ADAM22: variants seen among roughly 807,000 people sequenced by gnomAD.
ADAM22 encodes the protein disintegrin and metalloproteinase domain-containing protein 22.
ADAM22 carries 65 observed loss-of-function variants against 144.6 expected under a neutral mutation model. That is an observed-to-expected ratio of 0.45 (90% CI 0.37 to 0.55). ADAM22 has a LOEUF of 0.55. Ranked by LOEUF, ADAM22 falls within the 20% of genes least tolerant of loss-of-function variation. The probability of loss-of-function intolerance (pLI) is 0.00; values close to 1 mark genes in which losing one functional copy is unlikely to be tolerated. For synonymous variants in ADAM22, 391 were observed against 412.6 expected, an observed-to-expected ratio of 0.95 and a Z score of 0.63; for missense variants, 974 against 1,184.9, an observed-to-expected ratio of 0.82 and a Z score of 2.61.
intron 7 of ADAM22, 111 bp from the exon 8 acceptor site, chr7:88,125,478 C>A: frequency 1.5e-6 from 1 of 650,070 alleles, no homozygotes; most frequent in East Asian, 3.1e-5. Flanking sequence ...TCGTTAAGTG[C>A]AACATTATGT....
intron 4 of ADAM22, among the ~76,000 whole-genome samples, chr7:88,099,042 T>G (rs1186763402): frequency 1.3e-5 from 2 of 152,042 alleles, no homozygotes; most frequent in East Asian, 3.9e-4. Flanking sequence ...TATATGAGAG[T>G]TAAGTTACCT....
intron 4 of ADAM22, among the ~76,000 whole-genome samples, chr7:88,078,136 A>G (rs928057043): frequency 2.0e-5 from 3 of 152,126 alleles, no homozygotes; most frequent in Non-Finnish European, 2.9e-5. Context: ...ACAGCTGGGT[A>G]CTCCTCTGAG....
intron 1 of ADAM22, 62 bp from the exon 2 acceptor site, chr7:87,934,964 G>A: frequency 6.2e-7 from 1 of 1,606,440 alleles, no homozygotes; most frequent in Non-Finnish European, 8.5e-7. Context: ...GAGGAGTGAG[G>A]GTCAGGGTCA....
chr7:87,953,438 G>C (rs1439876663), intron 2 of ADAM22, among the ~76,000 whole-genome samples: 1 of 152,168 alleles, frequency 6.6e-6, no homozygotes, highest in African/African-American at 2.4e-5. Context: ...CAGTTTCCAT[G>C]TAGTTGAGCG....
intron 2 of ADAM22, among the ~76,000 whole-genome samples, chr7:87,943,870 G>C (rs553227313): frequency 6.6e-6 from 1 of 152,084 alleles, no homozygotes; most frequent in Non-Finnish European, 1.5e-5. Context: ...ATTTAATTTT[G>C]TACTAGGGGA....
Position 88,153,302 on chromosome 7 carries a change from A to G in ADAM22, c.1763A>G (p.Asp588Gly). ...TEKGNCGKDK[D>G]TWIQCNKRDV... The stretch of plus-strand genomic sequence containing the variant: ...AAGGGTAACTGTGGGAAAGACAAAG[A>G]CACATGGATACAGTGCAACAAACGG... Residue 588 changes from aspartate (D) to glycine (G), a missense_variant, in exon 21 of 32, where the codon GAC (aspartate) becomes GGC (glycine). Asp to Gly is a moderately conservative substitution (Grantham distance 94, BLOSUM62 -1). Transcript: ENST00000413139. 1 of 1,613,374 alleles carries G rather than the reference A, an allele frequency of 6.2e-7. No homozygotes were observed. The highest frequency in any genetic ancestry group is 1.3e-5 in the African/African-American group (1 of 75,030).
intron 3 of ADAM22, among the ~76,000 whole-genome samples, chr7:88,019,719 G>A (rs1797313045): frequency 1.3e-5 from 2 of 151,258 alleles, no homozygotes; most frequent in South Asian, 4.2e-4. Context: ...GGGTTGTGGT[G>A]CGCACCTGTA....
chr7:87,974,975 G>C (rs1490380621), intron 2 of ADAM22, among the ~76,000 whole-genome samples: 1 of 152,112 alleles, frequency 6.6e-6, no homozygotes, highest in Non-Finnish European at 1.5e-5. Context: ...CATGTAATTA[G>C]ATTGAGCCCA....
chr7:88,001,123 G>A (rs1257687479), intron 3 of ADAM22, among the ~76,000 whole-genome samples: 1 of 152,188 alleles, frequency 6.6e-6, no homozygotes, highest in Admixed American at 6.5e-5. Flanking sequence ...AAAAGGTATA[G>A]AAACACATGC....
intron 7 of ADAM22, among the ~76,000 whole-genome samples, chr7:88,123,501 A>G (rs2129494173): frequency 6.6e-6 from 1 of 152,206 alleles, no homozygotes; most frequent in Admixed American, 6.5e-5. Flanking sequence ...TTATTGGCAT[A>G]AAGCTCTTCA....
At chr7:88,155,229 TA>T (rs112499423) in intron 21 of ADAM22, among the ~76,000 whole-genome samples, 50 of 149,888 alleles carry the variant, frequency 3.3e-4, no homozygotes, top group South Asian at 1.3e-3. Context: ...AATTACCAAT[TA>T]AAAAAAAAAT....
intron 3 of ADAM22, among the ~76,000 whole-genome samples, chr7:88,009,761 C>CT (rs2129459317): frequency 6.6e-6 from 1 of 152,254 alleles, no homozygotes; most frequent in Admixed American, 6.5e-5. Flanking sequence ...TTTATCCCTA[C>CT]TACCCTATCC....
chr7:87,994,477 T>G (rs779512052), intron 3 of ADAM22, among the ~76,000 whole-genome samples: 3 of 152,160 alleles, frequency 2.0e-5, no homozygotes, highest in Non-Finnish European at 2.9e-5. Context: ...CTGTCATTCT[T>G]TAGCCAAACT....
At chr7:88,170,997 T>A (rs1226864175) in intron 25 of ADAM22, among the ~76,000 whole-genome samples, 19 of 151,898 alleles carry the variant, frequency 1.3e-4, no homozygotes, top group Admixed American at 1.2e-3. Flanking sequence ...TAGTAATCAC[T>A]TAGGAGATCC....
In ADAM22 at chr7:88,108,242, A is replaced by C. The variant is rs1166835407; in HGVS notation, c.457A>C (p.Thr153Pro). 2.5e-6 allele frequency: 4 copies of C among 1,613,790 alleles called. No homozygotes were observed. Among genetic ancestry groups the C allele is most frequent in the Non-Finnish European group, 3.4e-6 (4 of 1,179,876 alleles). The stretch of plus-strand genomic sequence containing the variant: ...CCCTGACTCATTTGTTGCATTGTCA[A>C]CATGCCACGGACTTCAGTAAGTGTT... ...GNPDSFVALS[T>P]CHGLHGMFYD... The change falls in exon 5 of 32, where the codon ACA (threonine) becomes CCA (proline). Residue 153 changes from threonine (T) to proline (P), a missense_variant. Transcript: ENST00000413139.
At chr7:88,044,027 A>C (rs1010948379) in intron 3 of ADAM22, among the ~76,000 whole-genome samples, 7 of 152,250 alleles carry the variant, frequency 4.6e-5, no homozygotes, top group Admixed American at 1.3e-4. Context: ...ACAGTATGGC[A>C]TACATTAAAT....
intron 3 of ADAM22, among the ~76,000 whole-genome samples, chr7:88,026,181 A>T (rs985102623): frequency 1.3e-5 from 2 of 152,192 alleles, no homozygotes; most frequent in Non-Finnish European, 2.9e-5. Flanking sequence ...TAATTTATAA[A>T]GAAAAGAGGG....
At chr7:88,023,404 A>G (rs1798257961) in intron 3 of ADAM22, among the ~76,000 whole-genome samples, 1 of 152,166 alleles carries the variant, frequency 6.6e-6, no homozygotes, top group Admixed American at 6.5e-5. Context: ...TGTGTTACAA[A>G]CAATCCAATT....
chr7:87,966,374 A>G (rs1354172900), intron 2 of ADAM22, among the ~76,000 whole-genome samples: 1 of 152,182 alleles, frequency 6.6e-6, no homozygotes, highest in Admixed American at 6.5e-5. Flanking sequence ...TTTGACTTTC[A>G]GGATTATGTG....
Sources: allele counts gnomAD v4.1 joint callset (sites outside exome capture counted in the v4.1 genomes callset), GRCh38; gene constraint gnomAD v4.1.1; transcripts MANE v1.5; gene names NCBI Gene and HGNC (gene_info 2026-07-23, HGNC 2026-07-21).